STOX2: variants seen among roughly 807,000 people sequenced by gnomAD.
STOX2 encodes the protein storkhead box 2.
STOX2 carries 28 observed loss-of-function variants against 60.9 expected under a neutral mutation model. The ratio of observed to expected loss-of-function variants is 0.46; its 90% CI spans 0.34 to 0.63. The LOEUF (loss-of-function observed/expected upper bound fraction) is 0.63, where lower values mean the gene tolerates loss of function less well. Among genes scored for constraint, STOX2 ranks in the 30% least tolerant of loss-of-function variants. The pLI, the probability that STOX2 is intolerant of heterozygous loss-of-function variation, is 0.01. For missense variants in STOX2, 1,024 were observed against 1,187.7 expected (o/e 0.86, Z 2.03); for synonymous variants, 472 against 463.9 (o/e 1.02, Z -0.22).
At chr4:183,917,823 A>G (rs1741976078) in intron 1 of STOX2, among the ~76,000 whole-genome samples, 1 of 152,250 alleles carries the variant, frequency 6.6e-6, no homozygotes, top group African/African-American at 2.4e-5. Context: ...GAAATCAGAC[A>G]TTCATACATT....
At chr4:183,891,758 G>A (rs7668641) in intron 1 of STOX2, among the ~76,000 whole-genome samples, 80,170 of 151,594 alleles carry the variant, frequency 0.53, 21,936 homozygotes, top group East Asian at 0.62. Context: ...CCCTATGGAA[G>A]AACAGAAGTA....
At chr4:183,891,665 C>T (rs1418123182) in intron 1 of STOX2, among the ~76,000 whole-genome samples, 1 of 151,712 alleles carries the variant, frequency 6.6e-6, no homozygotes, top group African/African-American at 2.4e-5. Flanking sequence ...GTGTATACTG[C>T]TCAGGTGACA....
chr4:183,919,559 G>T (rs918264261), intron 1 of STOX2, among the ~76,000 whole-genome samples: 3 of 152,280 alleles, frequency 2.0e-5, no homozygotes, highest in East Asian at 3.9e-4. Context: ...TGGAAAAGGG[G>T]CCTCTTTACC....
At chr4:183,850,080 C>T (rs1475515761) in intron 1 of STOX2, among the ~76,000 whole-genome samples, 1 of 152,118 alleles carries the variant, frequency 6.6e-6, no homozygotes, top group Non-Finnish European at 1.5e-5. Context: ...TCTCCTGCCT[C>T]AGCCTCACAA....
At chr4:183,844,703 G>A (rs1464860186) in intron 1 of STOX2, among the ~76,000 whole-genome samples, 1 of 152,230 alleles carries the variant, frequency 6.6e-6, no homozygotes, top group East Asian at 1.9e-4. Context: ...AGGTAGGACT[G>A]TAAGATTATT....
At chr4:183,953,920 C>G (rs1030360761) in intron 1 of STOX2, among the ~76,000 whole-genome samples, 2 of 152,058 alleles carry the variant, frequency 1.3e-5, no homozygotes, top group African/African-American at 4.8e-5. Flanking sequence ...AGTCCTACAG[C>G]TGGTGTGTGA....
chr4:184,019,481 T>A lies in STOX2; in HGVS notation c.*2197T>A, dbSNP rs1259493196. 6.6e-6 allele frequency: 1 copy of A among 152,228 alleles called. No individual in the cohort carries two copies. The highest frequency in any genetic ancestry group is 1.5e-5 in the Non-Finnish European group (1 of 68,030). The allele number at this position is 152,228 out of a possible 1,614,324, so 9.4% of individuals were successfully genotyped here. On this transcript the variant is annotated 3_prime_UTR_variant, in exon 4 of 4. Coordinates refer to ENST00000308497, the MANE Select transcript of STOX2 (RefSeq NM_020225.3). ...ATAATATAACCATTGAAACAACACATCAGCCTCTAGCTGATCCTCTGAAAG... is the reference window on the plus strand; with the variant it reads ...ATAATATAACCATTGAAACAACACAACAGCCTCTAGCTGATCCTCTGAAAG...
intron 1 of STOX2, among the ~76,000 whole-genome samples, chr4:183,863,635 G>A (rs1740500859): frequency 1.3e-5 from 2 of 152,116 alleles, no homozygotes; most frequent in Admixed American, 6.5e-5. Context: ...CGGGACTCTA[G>A]GATCTCAAAG....
At chr4:183,857,799 A>G (rs759847097) in intron 1 of STOX2, among the ~76,000 whole-genome samples, 5 of 151,872 alleles carry the variant, frequency 3.3e-5, no homozygotes, top group African/African-American at 4.8e-5. Context: ...CCTTGTTTGC[A>G]TCGATGCTGT....
At chr4:183,877,299 T>C (rs1299646508) in intron 1 of STOX2, among the ~76,000 whole-genome samples, 2 of 152,174 alleles carry the variant, frequency 1.3e-5, no homozygotes, top group African/African-American at 4.8e-5. Flanking sequence ...TCAAGAGAAA[T>C]GAAGAATCTC....
chr4:183,800,316 G>A (rs990534260), intron 1 of STOX2, among the ~76,000 whole-genome samples: 2 of 152,094 alleles, frequency 1.3e-5, no homozygotes, highest in African/African-American at 2.4e-5. Flanking sequence ...AAATGCTGGC[G>A]GGGGGCCGGG....
intron 1 of STOX2, among the ~76,000 whole-genome samples, chr4:183,833,442 A>G (rs1739620272): frequency 6.6e-6 from 1 of 152,152 alleles, no homozygotes; most frequent in African/African-American, 2.4e-5. Context: ...AAGATCAAAC[A>G]TTCCTTAATC....
chr4:183,905,371 G>A lies in STOX2; in HGVS notation c.-1420G>A, dbSNP rs955080402. On this transcript the variant is annotated 5_prime_UTR_variant, in exon 1 of 4. Transcript: ENST00000308497. ...GGACCTGAATGCAGCGTAGCGGGCT[G>A]GCGGTGACTTACACCGGGACTCCAG... 2.0e-5 allele frequency: 3 copies of A among 152,574 alleles called. No individual in the cohort carries two copies. The highest frequency in any genetic ancestry group is 2.1e-4 in the South Asian group (1 of 4,832). 9.5% of individuals were successfully genotyped at this position (152,574 alleles called of 1,614,324 possible).
intron 1 of STOX2, among the ~76,000 whole-genome samples, chr4:183,882,753 G>T (rs1306791404): frequency 6.6e-6 from 1 of 152,152 alleles, no homozygotes; most frequent in African/African-American, 2.4e-5. Flanking sequence ...CTGATGCACT[G>T]GTTTTATATA....
intron 1 of STOX2, among the ~76,000 whole-genome samples, chr4:183,842,334 A>G (rs1739882118): frequency 6.6e-6 from 1 of 152,202 alleles, no homozygotes; most frequent in African/African-American, 2.4e-5. Context: ...GCTTTACTAA[A>G]AAAGCAAACA....
At chr4:183,944,750 T>G (rs1742841500) in intron 1 of STOX2, among the ~76,000 whole-genome samples, 1 of 152,232 alleles carries the variant, frequency 6.6e-6, no homozygotes, top group African/African-American at 2.4e-5. Flanking sequence ...GAAAGTCATT[T>G]AAGTATAAAT....
chr4:183,934,913 C>T (rs770209586), intron 1 of STOX2, among the ~76,000 whole-genome samples: 4 of 152,236 alleles, frequency 2.6e-5, no homozygotes, highest in East Asian at 1.9e-4. Flanking sequence ...TCGCTATGAA[C>T]GCACAAGCAG....
chr4:183,941,123 C>T (rs1379419045), intron 1 of STOX2, among the ~76,000 whole-genome samples: 1 of 152,176 alleles, frequency 6.6e-6, no homozygotes, highest in African/African-American at 2.4e-5. Context: ...TTTATCTTTT[C>T]AAGAACCAAA....
intron 1 of STOX2, among the ~76,000 whole-genome samples, chr4:183,925,653 C>T (rs1742219316): frequency 6.6e-6 from 1 of 152,122 alleles, no homozygotes; most frequent in Non-Finnish European, 1.5e-5. Flanking sequence ...TATAATGTTC[C>T]ACTAGACAAT....
Sources: allele counts gnomAD v4.1 joint callset (sites outside exome capture counted in the v4.1 genomes callset), GRCh38; gene constraint gnomAD v4.1.1; transcripts MANE v1.5; gene names NCBI Gene and HGNC (gene_info 2026-07-23, HGNC 2026-07-21).